The following IGFBP5 variants were observed in gnomAD, a reference collection of about 807,000 sequenced individuals.
IGFBP5 encodes the protein insulin-like growth factor-binding protein 5.
Under a neutral mutation model 28.0 loss-of-function variants are expected in IGFBP5, and 12 were observed. The ratio of observed to expected loss-of-function variants is 0.43; its 90% CI spans 0.27 to 0.69. The LOEUF (loss-of-function observed/expected upper bound fraction) is 0.69. Ranked by LOEUF, IGFBP5 falls within the 30% of genes least tolerant of loss-of-function variation. The pLI, the probability that IGFBP5 is intolerant of heterozygous loss-of-function variation, is 0.20. For synonymous variants in IGFBP5, 152 were observed against 150.2 expected (o/e 1.01, Z -0.09); for missense variants, 344 against 381.6 (o/e 0.90, Z 0.82).
At chr2:216,685,270 CAAAA>C (rs112350608) in intron 1 of IGFBP5, among the ~76,000 whole-genome samples, 4,536 of 87,284 alleles carry the variant, frequency 0.052, 201 homozygotes, top group African/African-American at 0.16. Context: ...AATAGTGTGA[CAAAA>C]AAAAAAAAAA....
At chr2:216,689,553 C>T (rs1188295296) in intron 1 of IGFBP5, among the ~76,000 whole-genome samples, 1 of 152,204 alleles carries the variant, frequency 6.6e-6, no homozygotes, top group African/African-American at 2.4e-5. Context: ...TGCCAAAGGC[C>T]TTACTGCAGG....
chr2:216,686,666 CT>C (rs1165701093), intron 1 of IGFBP5, among the ~76,000 whole-genome samples: 1,396 of 112,680 alleles, frequency 0.012, 21 homozygotes, highest in African/African-American at 0.044. Context: ...TTTGACCTTT[CT>C]TTTTTTTTTT....
In IGFBP5 at chr2:216,672,517, C is replaced by CAAAA. The variant is rs112245884; in HGVS notation, c.*4230_*4233dup. On this transcript the variant is annotated 3_prime_UTR_variant, in exon 4 of 4. Transcript: ENST00000233813. ...TATGTACTGTGGTTATTGCTGTCTT[C>CAAAA]AAAAAAAAAAAGAAAAAGAAAAACA... The CAAAA allele has an allele frequency of 2.9e-4, 39 of 135,344 alleles. No homozygotes were observed. Among genetic ancestry groups the CAAAA allele is most frequent in the African/African-American group, 1.0e-3 (38 of 36,944 alleles). The allele number at this position is 135,344 out of a possible 1,614,324, so 8.4% of individuals were successfully genotyped here.
rs952327984 is a variant in IGFBP5, at chr2:216,694,359, C to A, written c.337+80G>T. The A allele has an allele frequency of 3.9e-6, 5 of 1,295,232 alleles. No homozygotes were observed. The highest frequency in any genetic ancestry group is 1.6e-5 in the South Asian group (1 of 63,360). The allele number at this position is 1,295,232 out of a possible 1,614,324, so 80.2% of individuals were successfully genotyped here. A position where few individuals can be genotyped will look rare whatever the true frequency, so the allele number is the denominator to read the frequency against. ...CACCCCAGCTCGAAGCCACTTGCTG[C>A]GCAAAGCGCGCGGGCCCAGCCGGTC... is the stretch of plus-strand genomic sequence containing the variant. On this transcript the variant is annotated intron_variant, in intron 1 of 3. Coordinates refer to ENST00000233813, the MANE Select transcript of IGFBP5 (RefSeq NM_000599.4). The surrounding 1 kb of genome is among the most constrained non-coding windows in gnomAD (Gnocchi z 5.2).
At position 216,676,529 on chromosome 2, in the gene IGFBP5, AG is replaced by A. The variant is rs6413496; in HGVS notation, c.*221del. 7.2e-3 allele frequency: 2,150 copies of A among 299,096 alleles called. No homozygotes were observed. Among genetic ancestry groups the A allele is most frequent in the Middle Eastern group, 0.022 (21 of 954 alleles). The allele number at this position is 299,096 out of a possible 1,614,324, so 18.5% of individuals were successfully genotyped here. ...TTGCCTCAAAAAGAAAACCATTTAA[AG>A]GGGGGGGGTGTCTTTTTAGCTTTTT... On this transcript the variant is annotated 3_prime_UTR_variant, in exon 4 of 4. Transcript: ENST00000233813.
At chr2:216,691,824 GATATA>G (rs1390470899) in intron 1 of IGFBP5, among the ~76,000 whole-genome samples, 3 of 134,044 alleles carry the variant, frequency 2.2e-5, no homozygotes, top group African/African-American at 5.5e-5. Flanking sequence ...TAATTATATA[GATATA>G]ATATGTCGTG....
intron 1 of IGFBP5, among the ~76,000 whole-genome samples, chr2:216,681,995 A>G (rs1488266255): frequency 6.6e-6 from 1 of 152,212 alleles, no homozygotes; most frequent in African/African-American, 2.4e-5. Context: ...CCAAGCAACC[A>G]TGATACTGGC....
intron 3 of IGFBP5, among the ~76,000 whole-genome samples, chr2:216,677,539 A>C (rs1329372984): frequency 3.9e-5 from 6 of 152,196 alleles, no homozygotes; most frequent in African/African-American, 1.4e-4. Flanking sequence ...TGGCAGAGCC[A>C]AGATTTGCCC....
At chr2:216,681,084 A>C (rs1397961742) in intron 1 of IGFBP5, among the ~76,000 whole-genome samples, 1 of 152,174 alleles carries the variant, frequency 6.6e-6, no homozygotes, top group African/African-American at 2.4e-5. Flanking sequence ...ACTTTGTACA[A>C]ATTGAAAGGC....
rs1689117778 is a variant in IGFBP5 at position 216,692,889 on chromosome 2, T to G, written c.337+1550A>C. Among the ~76,000 whole-genome samples, 1 of 151,986 alleles carries G rather than the reference T, an allele frequency of 6.6e-6. No homozygotes were observed. Among genetic ancestry groups the G allele is most frequent in the Non-Finnish European group, 1.5e-5 (1 of 67,988 alleles). ...GGGACTGAGGCTGAACACAGGAAGC[T>G]CTCCGGCCTCCTGGCAAGCGCGGAC... On this transcript the variant is annotated intron_variant, in intron 1 of 3. Coordinates refer to ENST00000233813, the MANE Select transcript of IGFBP5 (RefSeq NM_000599.4). This position sits in a 1 kb window ranked among gnomAD's most constrained non-coding sequence, Gnocchi z 4.2.
At position 216,679,045 on chromosome 2, in the gene IGFBP5, G is replaced by T; in HGVS notation, c.372C>A (p.Thr124=). 6.2e-7 allele frequency: 1 copy of T among 1,614,166 alleles called. No individual in the cohort carries two copies. The highest frequency in any genetic ancestry group is 1.7e-5 in the Admixed American group (1 of 60,032). ...AGTAGGTCTCCTCGGCCATCTCAGA[G>T]GTGGTGGGCTCCTCGTGCTCACGGG... ...RDSREHEEPT[T]SEMAEETYSP... Residue 124 remains threonine (T), a synonymous_variant, in exon 2 of 4, where the codon ACC becomes ACA. Transcript: ENST00000233813. This position sits in a 1 kb window ranked among gnomAD's most constrained non-coding sequence, Gnocchi z 4.6.
chr2:216,678,819 G>T, intron 2 of IGFBP5, 31 bp downstream of exon 2: 1 of 1,568,556 alleles, frequency 6.4e-7, no homozygotes, highest in Non-Finnish European at 8.8e-7. Flanking sequence ...GTCAAAAGCT[G>T]GGAGGGAATG....
At chr2:216,693,399 T>G (rs1428597596) in intron 1 of IGFBP5, among the ~76,000 whole-genome samples, 1 of 120,004 alleles carries the variant, frequency 8.3e-6, no homozygotes, top group Non-Finnish European at 1.6e-5. Context: ...CTCATGCACT[T>G]AATCCACACC....
chr2:216,689,557 C>T (rs1689069942), intron 1 of IGFBP5, among the ~76,000 whole-genome samples: 1 of 152,246 alleles, frequency 6.6e-6, no homozygotes, highest in East Asian at 1.9e-4. Flanking sequence ...AAAGGCCTTA[C>T]TGCAGGTTAG....
Position 216,694,420 on chromosome 2 carries a change from G to T in IGFBP5, c.337+19C>A. 1 of 1,496,222 alleles carries T rather than the reference G, an allele frequency of 6.7e-7. No homozygotes were observed. The highest frequency in any genetic ancestry group is 8.9e-7 in the Non-Finnish European group (1 of 1,124,626). 92.7% of individuals were successfully genotyped at this position (1,496,222 alleles called of 1,614,324 possible). A position where few individuals can be genotyped will look rare whatever the true frequency, so the allele number is the denominator to read the frequency against. On this transcript the variant is annotated intron_variant, in intron 1 of 3. Transcript: ENST00000233813. The surrounding 1 kb of genome is among the most constrained non-coding windows in gnomAD (Gnocchi z 5.2). ...CGCCCGTGCGCCGCGTAACTGACTG[G>T]CACACTGAGCGCGCTCACCGATCTT... is the stretch of plus-strand genomic sequence containing the variant.
At chr2:216,693,413 T>C (rs1689125097) in intron 1 of IGFBP5, among the ~76,000 whole-genome samples, 1 of 145,404 alleles carries the variant, frequency 6.9e-6, no homozygotes, top group Admixed American at 7.0e-5. Flanking sequence ...CCACACCCAC[T>C]TGTGATCTGG....
rs1688892871 is a variant in IGFBP5 at position 216,675,963 on chromosome 2, T to TA, written c.*787dup. ...CAATATTGGGGCATGTATTGATTTC[T>TA]AAAAAATGTCTGCCTGGGGAATGAA... On this transcript the variant is annotated 3_prime_UTR_variant, in exon 4 of 4. Coordinates refer to ENST00000233813, the MANE Select transcript of IGFBP5 (RefSeq NM_000599.4). The TA allele has an allele frequency of 6.6e-6, 1 of 152,584 alleles. No individual in the cohort carries two copies. The highest frequency in any genetic ancestry group is 1.5e-5 in the Non-Finnish European group (1 of 68,026). The allele number at this position is 152,584 out of a possible 1,614,324, so 9.5% of individuals were successfully genotyped here.
chr2:216,687,846 G>A (rs1689049201), intron 1 of IGFBP5, among the ~76,000 whole-genome samples: 1 of 152,172 alleles, frequency 6.6e-6, no homozygotes, highest in South Asian at 2.1e-4. Flanking sequence ...GACCAGAAGG[G>A]GGCGGCAGGG....
At position 216,679,695 on chromosome 2, in the gene IGFBP5, T is replaced by C. The variant is rs1038512158; in HGVS notation, c.338-616A>G. On this transcript the variant is annotated intron_variant, in intron 1 of 3. Coordinates refer to ENST00000233813, the MANE Select transcript of IGFBP5 (RefSeq NM_000599.4). This position sits in a 1 kb window ranked among gnomAD's most constrained non-coding sequence, Gnocchi z 4.6. ...AGCAGCAGGGTGGTGAGGACCTTCA[T>C]AAGCGGCAGGAGGAGGGGAGGGGAG... Among the ~76,000 whole-genome samples the C allele has an allele frequency of 1.3e-5, 2 of 151,972 alleles. No individual in the cohort carries two copies. Among genetic ancestry groups the C allele is most frequent in the African/African-American group, 4.8e-5 (2 of 41,370 alleles).
Sources: allele counts gnomAD v4.1 joint callset (sites outside exome capture counted in the v4.1 genomes callset), GRCh38; gene constraint gnomAD v4.1.1; non-coding constraint Gnocchi (gnomAD v3.1); transcripts MANE v1.5; gene names NCBI Gene and HGNC (gene_info 2026-07-23, HGNC 2026-07-21).